The following PPP1R37 variants were observed in gnomAD, a reference collection of about 807,000 sequenced individuals.
PPP1R37 encodes protein phosphatase 1 regulatory subunit 37, also known as leucine rich repeat containing 68.
PPP1R37 carries 21 observed loss-of-function variants against 61.0 expected under a neutral mutation model. The ratio of observed to expected loss-of-function variants is 0.34; its 90% CI spans 0.24 to 0.50. The LOEUF (loss-of-function observed/expected upper bound fraction) is 0.50, where lower values mean the gene tolerates loss of function less well. Ranked by LOEUF, PPP1R37 falls within the 20% of genes least tolerant of loss-of-function variation. PPP1R37 has a pLI of 0.98. For synonymous variants in PPP1R37, 443 were observed against 433.5 expected, an observed-to-expected ratio of 1.02 and a Z score of -0.27; for missense variants, 910 against 952.7, an observed-to-expected ratio of 0.96 and a Z score of 0.59.
rs1259265530 is a variant in PPP1R37, at chr19:45,146,009, G to A, written c.1953G>A (p.Pro651=). The A allele has an allele frequency of 4.0e-5, 62 of 1,532,684 alleles. No homozygotes were observed. In the East Asian group the frequency reaches 4.4e-4, roughly 11 times the overall value. The allele number at this position is 1,532,684 out of a possible 1,614,324, so 94.9% of individuals were successfully genotyped here. A position where few individuals can be genotyped will look rare whatever the true frequency, so the allele number is the denominator to read the frequency against. The part of the protein sequence containing the change: ...FALALPPEPP[P]GPEVKGGSCG... ...TGGCACTGCCCCCTGAGCCGCCCCCGGGGCCTGAGGTCAAGGGGGGCAGCT... is the reference window on the plus strand; with the variant it reads ...TGGCACTGCCCCCTGAGCCGCCCCCAGGGCCTGAGGTCAAGGGGGGCAGCT... Residue 651 remains proline, a synonymous_variant, in exon 11 of 13, where the codon CCG becomes CCA. Transcript: ENST00000221462.
intron 1 of PPP1R37, chr19:45,129,130 G>A: frequency 2.3e-6 from 1 of 432,592 alleles, no homozygotes; most frequent in Non-Finnish European, 4.5e-6. Context: ...CCTACACAAT[G>A]TATTTGATGT....
intron 5 of PPP1R37, 67 bp downstream of exon 5, chr19:45,141,508 G>A: frequency 2.0e-6 from 3 of 1,487,200 alleles, no homozygotes; most frequent in East Asian, 4.9e-5. Flanking sequence ...ACTTTCTCAG[G>A]GCATGGCCCG....
chr19:45,122,091 G>T (rs1399105418), intron 1 of PPP1R37, among the ~76,000 whole-genome samples: 2 of 152,200 alleles, frequency 1.3e-5, no homozygotes, highest in African/African-American at 2.4e-5. Flanking sequence ...GCCCCAGGAG[G>T]CCTTGTGTGG....
At chr19:45,133,198 C>T (rs1968499697) in intron 1 of PPP1R37, among the ~76,000 whole-genome samples, 1 of 152,236 alleles carries the variant, frequency 6.6e-6, no homozygotes. Flanking sequence ...ATTCTCCTGC[C>T]TCAGCCTCCT....
chr19:45,131,087 G>T (rs1010237923), intron 1 of PPP1R37, among the ~76,000 whole-genome samples: 1 of 140,340 alleles, frequency 7.1e-6, no homozygotes, highest in African/African-American at 2.5e-5. Flanking sequence ...CATTGCACCT[G>T]TGTGCAAATG....
intron 1 of PPP1R37, among the ~76,000 whole-genome samples, chr19:45,133,579 A>C (rs979879930): frequency 1.3e-5 from 2 of 152,158 alleles, no homozygotes; most frequent in Non-Finnish European, 2.9e-5. Flanking sequence ...GCTCCAGCCC[A>C]GGCCCTACAC....
At chr19:45,109,527 G>A (rs774852070) in intron 1 of PPP1R37, among the ~76,000 whole-genome samples, 2 of 152,234 alleles carry the variant, frequency 1.3e-5, no homozygotes, top group Non-Finnish European at 2.9e-5. Context: ...CAGGCTGAGT[G>A]ACTCGGTGAA....
At chr19:45,111,994 AG>A (rs1968207376) in intron 1 of PPP1R37, among the ~76,000 whole-genome samples, 2 of 150,888 alleles carry the variant, frequency 1.3e-5, no homozygotes, top group South Asian at 2.1e-4. Flanking sequence ...CTTTTGAGAC[AG>A]TCTCGCTCTG....
At chr19:45,094,430 A>C (rs774916562) in intron 1 of PPP1R37, among the ~76,000 whole-genome samples, 1 of 152,188 alleles carries the variant, frequency 6.6e-6, no homozygotes, top group South Asian at 2.1e-4. Context: ...CCTTCCTGAG[A>C]AAGAATTGGG....
chr19:45,126,324 T>A (rs1599703297), intron 1 of PPP1R37, among the ~76,000 whole-genome samples: 1 of 152,082 alleles, frequency 6.6e-6, no homozygotes. Flanking sequence ...CTGTGTGCCT[T>A]GTGGTGCTGA....
In PPP1R37 at chr19:45,146,613, C is replaced by T; in HGVS notation, c.*51C>T. 2 of 651,232 alleles carry T rather than the reference C, an allele frequency of 3.1e-6. No individual in the cohort carries two copies. Among genetic ancestry groups the T allele is most frequent in the Non-Finnish European group, 5.2e-6 (2 of 383,854 alleles). 40.3% of individuals were successfully genotyped at this position (651,232 alleles called of 1,614,324 possible). On this transcript the variant is annotated 3_prime_UTR_variant, in exon 13 of 13. Transcript: ENST00000221462. ...GTCTGCGATGAGCTGAGGCCAGAGC[C>T]ATGAGAATCTGCTCACCTTCCCCCC...
chr19:45,108,144 C>G (rs1165505534), intron 1 of PPP1R37, among the ~76,000 whole-genome samples: 1 of 152,184 alleles, frequency 6.6e-6, no homozygotes, highest in East Asian at 1.9e-4. Context: ...GTTCTGTCGT[C>G]ATAGTCACCA....
intron 1 of PPP1R37, among the ~76,000 whole-genome samples, chr19:45,107,360 G>T (rs890041065): frequency 2.0e-5 from 3 of 151,996 alleles, no homozygotes; most frequent in African/African-American, 7.3e-5. Context: ...CCAGCACTTT[G>T]GGAAGCCAAG....
Position 45,143,553 on chromosome 19 carries a change from C to T in PPP1R37, c.907C>T (p.Gln303Ter). The T allele has an allele frequency of 6.5e-7, 1 of 1,535,640 alleles. No homozygotes were observed. The highest frequency in any genetic ancestry group is 8.7e-7 in the Non-Finnish European group (1 of 1,146,478). Residue 303 changes from glutamine to a stop codon, truncating the protein, a stop_gained, in exon 8 of 13, where the codon CAG becomes TAG. Coordinates refer to ENST00000221462, the MANE Select transcript of PPP1R37 (RefSeq NM_019121.2). LOFTEE classifies it high-confidence loss of function. The stretch of plus-strand genomic sequence containing the variant: ...CTACATCTGCGAGGGCCTCAAGGAG[C>T]AGAGGAAGGGGCTGGTGACCCTGGT... Reference protein sequence around the residue: ...LAYICEGLKEQRKGLVTLVLW... With the variant: ...LAYICEGLKE
At chr19:45,100,667 A>G (rs1968051173) in intron 1 of PPP1R37, among the ~76,000 whole-genome samples, 1 of 152,230 alleles carries the variant, frequency 6.6e-6, no homozygotes, top group Non-Finnish European at 1.5e-5. Context: ...ATTCGGTGCA[A>G]CGTGCCATAC....
Position 45,145,260 on chromosome 19 carries a change from G to T in PPP1R37, c.1296G>T (p.Ala432=). 6.5e-7 allele frequency: 1 copy of T among 1,530,838 alleles called. No individual in the cohort carries two copies. The allele number at this position is 1,530,838 out of a possible 1,614,324, so 94.8% of individuals were successfully genotyped here. A position where few individuals can be genotyped will look rare whatever the true frequency, so the allele number is the denominator to read the frequency against. The part of the protein sequence containing the change: ...LDLDREPKKE[A]VKSFIETQKA... ...TCGACCGTGAACCCAAGAAAGAGGC[G>T]GTGAGCAGGGGACGGTCCTGCAGCC... Residue 432 remains alanine (A), a splice_region_variant and synonymous_variant, in exon 10 of 13, where the codon GCG becomes GCT. Coordinates refer to ENST00000221462, the MANE Select transcript of PPP1R37 (RefSeq NM_019121.2).
chr19:45,118,710 A>G (rs1459635177), intron 1 of PPP1R37, among the ~76,000 whole-genome samples: 1 of 151,706 alleles, frequency 6.6e-6, no homozygotes, highest in Non-Finnish European at 1.5e-5. Context: ...TCCTTTGACA[A>G]CCCTCCATCT....
chr19:45,122,150 A>G (rs1379744810), intron 1 of PPP1R37, among the ~76,000 whole-genome samples: 1 of 152,180 alleles, frequency 6.6e-6, no homozygotes, highest in African/African-American at 2.4e-5. Flanking sequence ...TTGTGGGAGC[A>G]GAGGACGGAA....
Position 45,145,502 on chromosome 19 carries a change from C to A in PPP1R37, c.1446C>A (p.Pro482=). ...TGCCTGAGACCACCGCCACCGAGCC[C>A]CAGCCCGACGACGAGCCCGCCGCTG... The part of the protein sequence containing the change: ...ASMPETTATE[P]QPDDEPAAGV... The change falls in exon 11 of 13, where the codon CCC becomes CCA. Residue 482 remains proline, a synonymous_variant. Transcript: ENST00000221462. The A allele has an allele frequency of 6.5e-7, 1 of 1,534,324 alleles. No individual in the cohort carries two copies.
Sources: gnomAD v4.1 joint callset for allele counts (sites outside exome capture counted in the v4.1 genomes callset) on GRCh38, gnomAD v4.1.1 for gene constraint, MANE v1.5 for transcripts, NCBI Gene and HGNC (gene_info 2026-07-23, HGNC 2026-07-21) for gene names.